The following PCNT variants were observed in gnomAD, a reference collection of about 807,000 sequenced individuals.
PCNT encodes pericentrin, also known as kendrin.
In PCNT, 319 loss-of-function variants were observed where a neutral mutation model predicts 380.4. That is an observed-to-expected ratio of 0.84 (90% CI 0.77 to 0.92). The LOEUF is 0.92. PCNT is among the 40% of genes least tolerant of loss of function. The pLI, the probability that PCNT is intolerant of heterozygous loss-of-function variation, is 0.00. For synonymous variants in PCNT, 1,845 were observed against 1,735.2 expected, an observed-to-expected ratio of 1.06 and a Z score of -1.57; for missense variants, 4,400 against 4,255.3, an observed-to-expected ratio of 1.03 and a Z score of -0.95.
chr21:46,358,685 C>T (rs1446877869), intron 13 of PCNT, among the ~76,000 whole-genome samples: 6 of 150,768 alleles, frequency 4.0e-5, no homozygotes, highest in South Asian at 4.2e-4. Flanking sequence ...AGCGTAGTGG[C>T]GCGATCTCAG....
At chr21:46,429,010 T>A (rs1162369482) in intron 35 of PCNT, among the ~76,000 whole-genome samples, 1 of 152,242 alleles carries the variant, frequency 6.6e-6, no homozygotes, top group Non-Finnish European at 1.5e-5. Context: ...TGCCGTCAGC[T>A]GTGTGGGCAG....
At chr21:46,357,217 G>A (rs368982123) in intron 13 of PCNT, 26 bp downstream of exon 13, 212 of 1,498,958 alleles carry the variant, frequency 1.4e-4, no homozygotes, top group East Asian at 3.8e-4. Flanking sequence ...ACAGCCCAGC[G>A]CCTCCCGCCC....
chr21:46,390,518 G>C (rs1423042938), intron 19 of PCNT, 152 bp from the exon 20 acceptor site: 2 of 785,292 alleles, frequency 2.5e-6, no homozygotes, highest in East Asian at 5.0e-5. Context: ...GAGGGTGGCT[G>C]AGATGTGCTC....
intron 2 of PCNT, among the ~76,000 whole-genome samples, chr21:46,328,250 G>A (rs979379527): frequency 2.3e-4 from 16 of 70,778 alleles, no homozygotes; most frequent in African/African-American, 8.3e-4. Flanking sequence ...TGTTGGGTTG[G>A]TGTGTTTTTT....
chr21:46,388,843 T>C lies in PCNT; in HGVS notation c.3566T>C (p.Leu1189Pro), dbSNP rs1291977928. The change falls in exon 18 of 47, where the codon CTC becomes CCC. Residue 1189 changes from leucine to proline, a missense_variant. By Grantham distance (98) the Leu-to-Pro change is moderately conservative. Coordinates refer to ENST00000359568, the MANE Select transcript of PCNT (RefSeq NM_006031.6). The surrounding 1 kb of genome is among the most constrained non-coding windows in gnomAD (Gnocchi z 4.2). The stretch of plus-strand genomic sequence containing the variant: ...AGCCGGATCGGGGAGCGCGTGGGGC[T>C]CTGCCTGGATGACGCGGGCGCAGGC... Reference protein sequence around the residue: ...LRSRIGERVGLCLDDAGAGLA... With the variant: ...LRSRIGERVGPCLDDAGAGLA... The C allele has an allele frequency of 6.2e-7, 1 of 1,611,438 alleles. No homozygotes were observed. The highest frequency in any genetic ancestry group is 1.7e-5 in the Admixed American group (1 of 59,986).
At chr21:46,399,281 GTTCAGCCTGTGAGTCTGGGTCTCTT>G (rs2086329195) in intron 24 of PCNT, among the ~76,000 whole-genome samples, 16 of 73,926 alleles carry the variant, frequency 2.2e-4, no homozygotes, top group South Asian at 7.8e-4. Context: ...CTGGGTCTCT[GTTCAGCCTGTGAGTCTGGGTCTCTT>G]TTCAGCCTGT....
intron 17 of PCNT, among the ~76,000 whole-genome samples, chr21:46,386,597 G>A (rs577348286): frequency 6.6e-6 from 1 of 152,322 alleles, no homozygotes; most frequent in African/African-American, 2.4e-5. Flanking sequence ...TGAACGCATG[G>A]GTCCAGGCCA....
In PCNT at chr21:46,416,776, G is replaced by A. The variant is rs142292868; in HGVS notation, c.6858G>A (p.Ala2286=). 2.5e-5 allele frequency: 40 copies of A among 1,603,066 alleles called. No individual in the cohort carries two copies. Among genetic ancestry groups the A allele is most frequent in the East Asian group, 1.3e-4 (6 of 44,838 alleles). ...LLCSPGVSAA[A]LALQWAESPP... ...GTTCCCCAGGCGTGTCTGCAGCAGC[G>A]CTGGCACTGCAGTGGGCCGAGTCTC... The change falls in exon 30 of 47, where the codon GCG becomes GCA. Residue 2286 remains alanine (A), a synonymous_variant. Coordinates refer to ENST00000359568, the MANE Select transcript of PCNT (RefSeq NM_006031.6).
chr21:46,387,701 G>A (rs1346668819), intron 17 of PCNT, among the ~76,000 whole-genome samples: 1 of 152,086 alleles, frequency 6.6e-6, no homozygotes, highest in African/African-American at 2.4e-5. Flanking sequence ...ACTGCCTCCC[G>A]TTGTCACCTC....
At chr21:46,357,456 T>A (rs551411541) in intron 13 of PCNT, among the ~76,000 whole-genome samples, 1 of 152,366 alleles carries the variant, frequency 6.6e-6, no homozygotes, top group East Asian at 1.9e-4. Context: ...TGTTTTGTTT[T>A]GTTTTGAGAC....
intron 28 of PCNT, 140 bp downstream of exon 28, chr21:46,412,207 C>A: frequency 9.7e-7 from 1 of 1,030,996 alleles, no homozygotes; most frequent in Non-Finnish European, 1.4e-6. Flanking sequence ...GAAAGGGGGC[C>A]TGAAGCTCGG....
At chr21:46,429,311 G>A (rs545149475) in intron 35 of PCNT, among the ~76,000 whole-genome samples, 60 of 94,932 alleles carry the variant, frequency 6.3e-4, no homozygotes, top group Admixed American at 3.6e-3. Flanking sequence ...GGCGCTGTGC[G>A]AGCGCTCGTG....
At chr21:46,346,314 T>C in intron 4 of PCNT, 106 bp downstream of exon 4, 1 of 650,210 alleles carries the variant, frequency 1.5e-6, no homozygotes, top group Non-Finnish European at 2.7e-6. Flanking sequence ...ATCTCCTTTC[T>C]CTGAGTTGTC....
intron 21 of PCNT, among the ~76,000 whole-genome samples, chr21:46,394,718 AAC>A (rs2086150714): frequency 6.6e-6 from 1 of 152,244 alleles, no homozygotes; most frequent in African/African-American, 2.4e-5. Flanking sequence ...GCCCCAGCAA[AAC>A]AGGAGCATTT....
chr21:46,384,566 G>T (rs1279017497), intron 16 of PCNT, among the ~76,000 whole-genome samples: 2 of 147,942 alleles, frequency 1.4e-5, no homozygotes, highest in Admixed American at 6.8e-5. Context: ...TCACGGTGTT[G>T]TGCATTCAGT....
Position 46,411,863 on chromosome 21 carries a change from C to T in PCNT, c.5790C>T (p.Ser1930=), listed in dbSNP as rs1323856713. 1.9e-6 allele frequency: 3 copies of T among 1,563,608 alleles called. No homozygotes were observed. Among genetic ancestry groups the T allele is most frequent in the Non-Finnish European group, 2.6e-6 (3 of 1,161,530 alleles). ...TCCGAGCGCAGTGTGCCCGCCTCAGCCGCCAGCTGCAGGTGCTGCACCAGC... is the reference window on the plus strand; with the variant it reads ...TCCGAGCGCAGTGTGCCCGCCTCAGTCGCCAGCTGCAGGTGCTGCACCAGC... The part of the protein sequence containing the change: ...QWLRAQCARL[S]RQLQVLHQRF... Residue 1930 remains serine, a synonymous_variant, in exon 28 of 47, where the codon AGC becomes AGT. Coordinates refer to ENST00000359568, the MANE Select transcript of PCNT (RefSeq NM_006031.6).
intron 37 of PCNT, 190 bp downstream of exon 37, chr21:46,430,847 G>C: frequency 8.1e-6 from 8 of 985,460 alleles, no homozygotes; most frequent in Non-Finnish European, 9.6e-6. Flanking sequence ...GCCACCACAG[G>C]GCGAAGAGTG....
intron 2 of PCNT, among the ~76,000 whole-genome samples, chr21:46,328,901 G>T (rs550711629): frequency 6.6e-6 from 1 of 152,112 alleles, no homozygotes; most frequent in African/African-American, 2.4e-5. Context: ...AGCCTCCCGA[G>T]TAGCTGGGAT....
At chr21:46,393,664 G>A (rs1247338822) in intron 21 of PCNT, among the ~76,000 whole-genome samples, 2 of 152,212 alleles carry the variant, frequency 1.3e-5, no homozygotes, top group African/African-American at 2.4e-5. Context: ...TGAACGGCCC[G>A]GTGAGGCCGG....
Sources: allele counts gnomAD v4.1 joint callset (sites outside exome capture counted in the v4.1 genomes callset), GRCh38; gene constraint gnomAD v4.1.1; non-coding constraint Gnocchi (gnomAD v3.1); transcripts MANE v1.5; gene names NCBI Gene and HGNC (gene_info 2026-07-23, HGNC 2026-07-21).